SIK3: variants seen among roughly 807,000 people sequenced by gnomAD.
SIK3 encodes the protein SIK family kinase 3, also known as serine/threonine-protein kinase SIK3.
A neutral mutation model predicts 144.2 loss-of-function variants in SIK3; 28 were observed. That is an observed-to-expected ratio of 0.19 (90% CI 0.14 to 0.27). The LOEUF is 0.27. Among genes scored for constraint, SIK3 ranks in the 10% least tolerant of loss-of-function variants. SIK3 has a pLI of 1.00. For synonymous variants in SIK3, 686 were observed against 676.3 expected (o/e 1.01, Z -0.22); for missense variants, 1,319 against 1,776.0 (o/e 0.74, Z 4.62).
intron 1 of SIK3, among the ~76,000 whole-genome samples, chr11:116,964,087 C>T (rs1238017517): frequency 6.6e-6 from 1 of 152,300 alleles, no homozygotes; most frequent in East Asian, 1.9e-4. Context: ...TAGCTCGCTG[C>T]AGCCTCAACC....
chr11:116,927,460 A>G lies in SIK3; in HGVS notation c.455-80T>C, dbSNP rs138770168. 2.1e-4 allele frequency: 301 copies of G among 1,402,190 alleles called. 1 individual carries two copies. In the African/African-American group the frequency reaches 3.8e-3, roughly 18 times the overall value. 86.9% of individuals were successfully genotyped at this position (1,402,190 alleles called of 1,614,324 possible). A position where few individuals can be genotyped will look rare whatever the true frequency, so the allele number is the denominator to read the frequency against. On this transcript the variant is annotated intron_variant, in intron 3 of 24. Transcript: ENST00000445177. ...AAAGGTAGACTTAAGGAGGGCTACAAGGGGCCCTCTCGAGTGAGTTAAAGA... is the reference window on the plus strand; with the variant it reads ...AAAGGTAGACTTAAGGAGGGCTACAGGGGGCCCTCTCGAGTGAGTTAAAGA...
At chr11:117,031,413 T>G (rs144879658) in intron 1 of SIK3, among the ~76,000 whole-genome samples, 31 of 151,664 alleles carry the variant, frequency 2.0e-4, no homozygotes, top group African/African-American at 7.0e-4. Context: ...CAGCACCATT[T>G]ATTTAAAAGG....
intron 3 of SIK3, among the ~76,000 whole-genome samples, chr11:116,948,723 T>C (rs1005568350): frequency 6.6e-6 from 1 of 152,214 alleles, no homozygotes; most frequent in African/African-American, 2.4e-5. Context: ...GAACTATCTT[T>C]TGGTTTCACT....
chr11:116,946,710 T>C (rs1948609121), intron 3 of SIK3, among the ~76,000 whole-genome samples: 1 of 152,244 alleles, frequency 6.6e-6, no homozygotes, highest in Non-Finnish European at 1.5e-5. Context: ...CCTTGCTTCC[T>C]GTACAAACTA....
At chr11:116,945,251 G>A (rs1047941473) in intron 3 of SIK3, among the ~76,000 whole-genome samples, 1 of 152,112 alleles carries the variant, frequency 6.6e-6, no homozygotes, top group Non-Finnish European at 1.5e-5. Context: ...GAGCACAACA[G>A]CAACATGTGG....
chr11:116,891,919 G>A (rs112398458), intron 6 of SIK3, among the ~76,000 whole-genome samples: 9,468 of 152,196 alleles, frequency 0.062, 968 homozygotes, highest in African/African-American at 0.22. Context: ...ATCAGCTGTG[G>A]CACTGGTGAG....
chr11:117,020,248 C>CATATACAT (rs371319307), intron 1 of SIK3, among the ~76,000 whole-genome samples: 4 of 100,762 alleles, frequency 4.0e-5, no homozygotes, highest in African/African-American at 1.5e-4. Flanking sequence ...TATATATATA[C>CATATACAT]ACATACATAT....
chr11:117,086,860 T>C (rs1185514692), intron 1 of SIK3, among the ~76,000 whole-genome samples: 1 of 151,730 alleles, frequency 6.6e-6, no homozygotes, highest in Non-Finnish European at 1.5e-5. Context: ...CCAGGTGTGG[T>C]GGCACGTGCC....
intron 1 of SIK3, among the ~76,000 whole-genome samples, chr11:116,994,620 G>A (rs1439199128): frequency 6.6e-6 from 1 of 152,164 alleles, no homozygotes; most frequent in African/African-American, 2.4e-5. Flanking sequence ...TTTGGGATTA[G>A]CTAATTAATC....
chr11:117,019,760 C>G (rs910786461), intron 1 of SIK3, among the ~76,000 whole-genome samples: 1 of 151,944 alleles, frequency 6.6e-6, no homozygotes, highest in Non-Finnish European at 1.5e-5. Context: ...ACTACAGGCG[C>G]GTGCCACCAC....
chr11:116,919,835 CAT>C (rs1946864163), intron 4 of SIK3, among the ~76,000 whole-genome samples: 1 of 152,170 alleles, frequency 6.6e-6, no homozygotes, highest in African/African-American at 2.4e-5. Flanking sequence ...CTGGTCAAGA[CAT>C]ATGATTGGTT....
chr11:116,898,975 A>G (rs1313754866), intron 4 of SIK3, among the ~76,000 whole-genome samples: 1 of 146,706 alleles, frequency 6.8e-6, no homozygotes, highest in African/African-American at 2.5e-5. Flanking sequence ...CTTTAGTTTA[A>G]TTAGATCCCA....
intron 1 of SIK3, among the ~76,000 whole-genome samples, chr11:117,028,868 C>T (rs1952136045): frequency 1.3e-5 from 2 of 152,074 alleles, no homozygotes; most frequent in South Asian, 4.1e-4. Flanking sequence ...GACATGCATG[C>T]ATTAAAATGA....
chr11:116,847,739 CTA>C (rs1942096012), intron 22 of SIK3, 131 bp from the exon 23 acceptor site: 3 of 1,043,066 alleles, frequency 2.9e-6, no homozygotes, highest in Non-Finnish European at 4.3e-6. Flanking sequence ...ACTCCTTCCT[CTA>C]AAGCACCACC....
chr11:117,053,037 T>C (rs955999726), intron 1 of SIK3, among the ~76,000 whole-genome samples: 4 of 152,072 alleles, frequency 2.6e-5, no homozygotes, highest in Non-Finnish European at 2.9e-5. Flanking sequence ...TTGGGAAATA[T>C]ACACAAAAAA....
chr11:117,041,185 T>TC (rs1192392558), intron 1 of SIK3, among the ~76,000 whole-genome samples: 1 of 151,870 alleles, frequency 6.6e-6, no homozygotes, highest in African/African-American at 2.4e-5. Flanking sequence ...AAGAAAGAAT[T>TC]CCCCCAATTT....
chr11:117,041,197 G>C (rs1174519625), intron 1 of SIK3, among the ~76,000 whole-genome samples: 2 of 152,072 alleles, frequency 1.3e-5, no homozygotes, highest in Non-Finnish European at 2.9e-5. Context: ...CCCCAATTTG[G>C]GGGATAGCAG....
intron 1 of SIK3, among the ~76,000 whole-genome samples, chr11:117,033,508 T>G (rs1283954605): frequency 6.6e-6 from 1 of 151,914 alleles, no homozygotes; most frequent in Admixed American, 6.6e-5. Flanking sequence ...AAGACCATCC[T>G]GGCTAACTCA....
intron 1 of SIK3, among the ~76,000 whole-genome samples, chr11:116,982,875 C>T (rs1484859975): frequency 7.7e-6 from 1 of 129,142 alleles, no homozygotes; most frequent in Non-Finnish European, 1.6e-5. Flanking sequence ...ACCCAGGAGG[C>T]GGAGGTGGCA....
Sources: allele counts gnomAD v4.1 joint callset (sites outside exome capture counted in the v4.1 genomes callset), GRCh38; gene constraint gnomAD v4.1.1; transcripts MANE v1.5; gene names NCBI Gene and HGNC (gene_info 2026-07-23, HGNC 2026-07-21).